The following PTPRG variants were observed in gnomAD, a reference collection of about 807,000 sequenced individuals.
The protein encoded by PTPRG is receptor-type tyrosine-protein phosphatase gamma.
Under a neutral mutation model 165.3 loss-of-function variants are expected in PTPRG, and 102 were observed. That is an observed-to-expected ratio of 0.62 (90% CI 0.53 to 0.73). The LOEUF (loss-of-function observed/expected upper bound fraction) is 0.73. PTPRG is among the 30% of genes least tolerant of loss of function. The pLI, the probability that PTPRG is intolerant of heterozygous loss-of-function variation, is 0.00. For synonymous variants in PTPRG, 675 were observed against 669.5 expected, an observed-to-expected ratio of 1.01 and a Z score of -0.13; for missense variants, 1,866 against 1,861.4, an observed-to-expected ratio of 1.00 and a Z score of -0.05.
chr3:61,599,139 T>C (rs976832872), intron 1 of PTPRG, among the ~76,000 whole-genome samples: 1 of 152,182 alleles, frequency 6.6e-6, no homozygotes, highest in African/African-American at 2.4e-5. Flanking sequence ...TACTGTGCAT[T>C]AAACCATTAA....
intron 4 of PTPRG, among the ~76,000 whole-genome samples, chr3:62,028,866 A>G (rs990502821): frequency 2.0e-5 from 3 of 152,180 alleles, no homozygotes; most frequent in African/African-American, 7.2e-5. Context: ...TTGGTGTCAT[A>G]TAGTCTGGTT....
intron 4 of PTPRG, among the ~76,000 whole-genome samples, chr3:62,039,372 G>T (rs1023803939): frequency 5.3e-5 from 8 of 151,876 alleles, no homozygotes; most frequent in East Asian, 1.9e-4. Context: ...TTTCTGGGAA[G>T]TCCTTACCAT....
rs529382767 is a variant in PTPRG at position 61,841,233 on chromosome 3, C to T, written c.190+92251C>T. 3.3e-5 allele frequency among the ~76,000 whole-genome samples: 5 copies of T among 152,288 alleles called. No homozygotes were observed. In the East Asian group the frequency reaches 9.7e-4, roughly 29 times the overall value. On this transcript the variant is annotated intron_variant, in intron 2 of 29. Transcript: ENST00000474889. ...ATGTTTTATATATACTTGACACAGTCATATTATAGTGAGCAGGAAAGAACC... is the reference window on the plus strand; with the variant it reads ...ATGTTTTATATATACTTGACACAGTTATATTATAGTGAGCAGGAAAGAACC...
intron 1 of PTPRG, among the ~76,000 whole-genome samples, chr3:61,664,853 T>TA (rs140935622): frequency 0.055 from 8,364 of 151,762 alleles, 327 homozygotes; most frequent in East Asian, 0.17. Context: ...TAAATAAAAA[T>TA]AAAAAAAATA....
At chr3:61,618,990 A>G (rs1175300794) in intron 1 of PTPRG, among the ~76,000 whole-genome samples, 2 of 151,196 alleles carry the variant, frequency 1.3e-5, no homozygotes, top group East Asian at 1.9e-4. Context: ...AAAAAAAAAA[A>G]AAAAAAAAAG....
chr3:61,903,802 A>G (rs1248751175), intron 2 of PTPRG, among the ~76,000 whole-genome samples: 2 of 152,234 alleles, frequency 1.3e-5, no homozygotes, highest in African/African-American at 4.8e-5. Flanking sequence ...TATTAAACAA[A>G]TTAAGTCATG....
At chr3:61,821,662 A>G (rs2035962440) in intron 2 of PTPRG, among the ~76,000 whole-genome samples, 1 of 152,222 alleles carries the variant, frequency 6.6e-6, no homozygotes, top group South Asian at 2.1e-4. Flanking sequence ...AGGCAAAAGA[A>G]GAGGGGAAAT....
At chr3:61,600,188 A>ATGTGTGTGTGTGTGTGTGTGTGTGTGTG (rs1372886923) in intron 1 of PTPRG, among the ~76,000 whole-genome samples, 1 of 133,278 alleles carries the variant, frequency 7.5e-6, no homozygotes, top group Non-Finnish European at 1.6e-5. Context: ...ATATATATAT[A>ATGTGTGTGTGTGTGTGTGTGTGTGTGTG]TATATGTGTG....
At chr3:61,635,216 A>T (rs187003306) in intron 1 of PTPRG, among the ~76,000 whole-genome samples, 34 of 152,120 alleles carry the variant, frequency 2.2e-4, no homozygotes, top group Admixed American at 4.6e-4. Context: ...CAATAAAATG[A>T]GTTGGCGAAA....
At chr3:61,864,139 A>T (rs1274040859) in intron 2 of PTPRG, among the ~76,000 whole-genome samples, 2 of 152,196 alleles carry the variant, frequency 1.3e-5, no homozygotes, top group Non-Finnish European at 2.9e-5. Flanking sequence ...TATTAGGAGA[A>T]CACAGTCAAA....
intron 1 of PTPRG, among the ~76,000 whole-genome samples, chr3:61,629,371 T>C (rs924634508): frequency 6.6e-6 from 1 of 152,058 alleles, no homozygotes; most frequent in Non-Finnish European, 1.5e-5. Flanking sequence ...GCCAGGCTGG[T>C]CTTGAAACTC....
At chr3:62,216,480 A>G (rs375844397) in intron 12 of PTPRG, among the ~76,000 whole-genome samples, 1 of 152,104 alleles carries the variant, frequency 6.6e-6, no homozygotes, top group African/African-American at 2.4e-5. Context: ...CATGTGGCCT[A>G]TAGCGTCAAC....
intron 12 of PTPRG, among the ~76,000 whole-genome samples, chr3:62,209,461 T>C (rs1192917192): frequency 6.6e-6 from 1 of 152,228 alleles, no homozygotes; most frequent in East Asian, 1.9e-4. Context: ...TACAGGTTCA[T>C]GCAGATCGGG....
At position 62,222,083 on chromosome 3, in the gene PTPRG, T is replaced by G. The variant is rs147127769; in HGVS notation, c.2288+3100T>G. ...AAGGAAGAGAACGAGAACTCACATT[T>G]GTTGAAAGCCTGCTATGGGCCAAAT... On this transcript the variant is annotated intron_variant, in intron 13 of 29. Transcript: ENST00000474889. The surrounding 1 kb of genome is among the most constrained non-coding windows in gnomAD (Gnocchi z 4.5). Among the ~76,000 whole-genome samples the G allele has an allele frequency of 7.6e-3, 1,159 of 152,352 alleles. 18 individuals are homozygous for G. Among genetic ancestry groups the G allele is most frequent in the African/African-American group, 0.027 (1,107 of 41,598 alleles).
chr3:62,132,752 G>T, intron 6 of PTPRG, 84 bp downstream of exon 6: 1 of 1,179,648 alleles, frequency 8.5e-7, no homozygotes, highest in Non-Finnish European at 1.3e-6. Flanking sequence ...TCTTGCAGAG[G>T]ACAGAGGGTG....
At chr3:61,676,475 G>A (rs368132996) in intron 1 of PTPRG, among the ~76,000 whole-genome samples, 4,875 of 59,946 alleles carry the variant, frequency 0.081, 32 homozygotes, top group East Asian at 0.12. Flanking sequence ...AAAAAAAAAA[G>A]AAAATTACTA....
intron 5 of PTPRG, among the ~76,000 whole-genome samples, chr3:62,106,099 C>G (rs1412824927): frequency 6.6e-6 from 1 of 152,080 alleles, no homozygotes; most frequent in Non-Finnish European, 1.5e-5. Context: ...CCTTACTAAT[C>G]TATATATGTG....
intron 1 of PTPRG, among the ~76,000 whole-genome samples, chr3:61,579,531 C>G (rs997851063): frequency 6.6e-6 from 1 of 152,206 alleles, no homozygotes; most frequent in African/African-American, 2.4e-5. Context: ...GTAATTCATC[C>G]TTGCATTTTC....
At chr3:62,107,672 A>G (rs1231174644) in intron 5 of PTPRG, among the ~76,000 whole-genome samples, 1 of 152,254 alleles carries the variant, frequency 6.6e-6, no homozygotes, top group Non-Finnish European at 1.5e-5. Context: ...GTGTCTGAAT[A>G]CTGATATTCT....
Sources: allele counts gnomAD v4.1 joint callset (sites outside exome capture counted in the v4.1 genomes callset), GRCh38; gene constraint gnomAD v4.1.1; non-coding constraint Gnocchi (gnomAD v3.1); transcripts MANE v1.5; gene names NCBI Gene and HGNC (gene_info 2026-07-23, HGNC 2026-07-21).